The following SPAG16 variants were observed in gnomAD, a reference collection of about 807,000 sequenced individuals.
SPAG16 encodes the protein sperm-associated antigen 16 protein.
Under a neutral mutation model 80.4 loss-of-function variants are expected in SPAG16, and 86 were observed. That is an observed-to-expected ratio of 1.07 (90% CI 0.90 to 1.28). The LOEUF (loss-of-function observed/expected upper bound fraction) is 1.28, where lower values mean the gene tolerates loss of function less well. Among genes scored for constraint, SPAG16 ranks in the 50% most tolerant of loss-of-function variants. The pLI is 0.00. For missense variants in SPAG16, 870 were observed against 765.3 expected (o/e 1.14, Z -1.61); for synonymous variants, 294 against 265.9 (o/e 1.11, Z -1.03).
Position 213,861,753 on chromosome 2 carries a change from A to G in SPAG16, c.1071-732A>G, listed in dbSNP as rs570170368. On this transcript the variant is annotated intron_variant, in intron 10 of 15. Transcript: ENST00000331683. Reference sequence around the variant, plus strand: ...TTTAAAATAGTTGAGCTCCAGTATTAAAATAGCCACAGTGATCAGAGTCCA... The same window carrying G: ...TTTAAAATAGTTGAGCTCCAGTATTGAAATAGCCACAGTGATCAGAGTCCA... Among the ~76,000 whole-genome samples the G allele has an allele frequency of 2.6e-5, 4 of 152,292 alleles. No individual in the cohort carries two copies. The South Asian group carries it at 8.3e-4, about 32-fold the overall frequency.
intron 14 of SPAG16, among the ~76,000 whole-genome samples, chr2:214,122,126 T>C (rs2054250843): frequency 6.6e-6 from 1 of 151,758 alleles, no homozygotes; most frequent in African/African-American, 2.4e-5. Context: ...TTCTATAACA[T>C]AATAGTAGTG....
chr2:213,758,073 T>C (rs2068441211), intron 10 of SPAG16: 1 of 151,344 alleles, frequency 6.6e-6, no homozygotes, highest in African/African-American at 2.4e-5. Flanking sequence ...TTACTAAGTG[T>C]AAACTTAAGG....
At chr2:213,425,965 CTCAT>C in intron 9 of SPAG16, among the ~76,000 whole-genome samples, 1 of 152,282 alleles carries the variant, frequency 6.6e-6, no homozygotes, top group Admixed American at 6.5e-5. Context: ...GAAGCATTTT[CTCAT>C]TCCATATTCT....
intron 12 of SPAG16, among the ~76,000 whole-genome samples, chr2:213,959,985 TTC>T (rs1175653403): frequency 6.6e-6 from 1 of 152,158 alleles, no homozygotes; most frequent in African/African-American, 2.4e-5. Flanking sequence ...CTCTTACCCT[TTC>T]TCTCTCTCTT....
At chr2:214,317,705 A>T (rs1695786242) in intron 15 of SPAG16, among the ~76,000 whole-genome samples, 1 of 152,196 alleles carries the variant, frequency 6.6e-6, no homozygotes, top group African/African-American at 2.4e-5. Flanking sequence ...TCCTTTCCTG[A>T]TGCCACTATA....
At chr2:213,858,325 C>T (rs2075266333) in intron 10 of SPAG16, among the ~76,000 whole-genome samples, 1 of 152,130 alleles carries the variant, frequency 6.6e-6, no homozygotes, top group Non-Finnish European at 1.5e-5. Context: ...TTTGCTACAA[C>T]CATCTAGCCT....
At chr2:213,975,350 A>G (rs2045312781) in intron 12 of SPAG16, among the ~76,000 whole-genome samples, 1 of 151,614 alleles carries the variant, frequency 6.6e-6, no homozygotes, top group South Asian at 2.1e-4. Context: ...CACATTCTCA[A>G]TTTTCACTAA....
intron 15 of SPAG16, among the ~76,000 whole-genome samples, chr2:214,376,491 C>T (rs1314733004): frequency 1.3e-5 from 2 of 152,002 alleles, no homozygotes; most frequent in Non-Finnish European, 2.9e-5. Flanking sequence ...GAAACCAAAC[C>T]TATGGCAATC....
intron 12 of SPAG16, among the ~76,000 whole-genome samples, chr2:213,949,169 G>GTT (rs767648099): frequency 0.044 from 2,519 of 56,702 alleles, 204 homozygotes; most frequent in Middle Eastern, 0.082. Flanking sequence ...AATTACAACA[G>GTT]TTTTTTTTTT....
In SPAG16 at chr2:213,472,926, G is replaced by C. The variant is rs2073166494; in HGVS notation, c.943-17037G>C. ...GAGGTTTCCTTGGGGAAGAATGGGA[G>C]AAAGATTAACAGCATAAATTGTCAG... On this transcript the variant is annotated intron_variant, in intron 9 of 15. Coordinates refer to ENST00000331683, the MANE Select transcript of SPAG16 (RefSeq NM_024532.5). Among the ~76,000 whole-genome samples the C allele has an allele frequency of 2.0e-5, 3 of 152,170 alleles. No individual in the cohort carries two copies. In the South Asian group the frequency reaches 6.2e-4, roughly 32 times the overall value.
At chr2:213,750,156 C>A (rs1348783272) in intron 10 of SPAG16, among the ~76,000 whole-genome samples, 1 of 152,074 alleles carries the variant, frequency 6.6e-6, no homozygotes, top group African/African-American at 2.4e-5. Flanking sequence ...TCCAAGAAAC[C>A]TGAGTTGTTA....
chr2:214,133,220 G>C (rs189452810), intron 14 of SPAG16, among the ~76,000 whole-genome samples: 53 of 151,966 alleles, frequency 3.5e-4, no homozygotes, highest in African/African-American at 9.4e-4. Flanking sequence ...GGGCTATTTC[G>C]TGCATTATAA....
chr2:214,410,394 C>G lies in SPAG16; in HGVS notation c.*79C>G, dbSNP rs950261045. 6 of 1,374,712 alleles carry G rather than the reference C, an allele frequency of 4.4e-6. No individual in the cohort carries two copies. Among genetic ancestry groups the G allele is most frequent in the African/African-American group, 1.4e-5 (1 of 69,050 alleles). The allele number at this position is 1,374,712 out of a possible 1,614,324, so 85.2% of individuals were successfully genotyped here. ...CCTGTAGTCCCAAACCAGCAAAGAA[C>G]TGGTTAAATGTGCCAGCAGGTAACA... On this transcript the variant is annotated 3_prime_UTR_variant, in exon 16 of 16. Coordinates refer to ENST00000331683, the MANE Select transcript of SPAG16 (RefSeq NM_024532.5).
chr2:213,955,308 G>C (rs76854438), intron 12 of SPAG16, among the ~76,000 whole-genome samples: 1 of 151,932 alleles, frequency 6.6e-6, no homozygotes, highest in African/African-American at 2.4e-5. Context: ...TTATGATTTT[G>C]ACCTTTAAAT....
intron 10 of SPAG16, among the ~76,000 whole-genome samples, chr2:213,678,102 G>A (rs1574772343): frequency 6.6e-6 from 1 of 152,044 alleles, no homozygotes; most frequent in South Asian, 2.1e-4. Flanking sequence ...CAGAATCTCT[G>A]GGACACATTC....
chr2:213,581,118 G>GGGAA (rs1350564858), intron 10 of SPAG16, among the ~76,000 whole-genome samples: 15 of 152,060 alleles, frequency 9.9e-5, no homozygotes, highest in African/African-American at 3.6e-4. Flanking sequence ...TAACTCTATA[G>GGGAA]CTCTTTTTAG....
At chr2:214,053,643 G>A (rs1248267673) in intron 13 of SPAG16, among the ~76,000 whole-genome samples, 2 of 152,156 alleles carry the variant, frequency 1.3e-5, no homozygotes, top group South Asian at 2.1e-4. Flanking sequence ...TAATTTCAAC[G>A]TTGTACACAA....
At chr2:213,993,079 T>C (rs1023600360) in intron 12 of SPAG16, among the ~76,000 whole-genome samples, 1 of 152,190 alleles carries the variant, frequency 6.6e-6, no homozygotes, top group African/African-American at 2.4e-5. Context: ...CAAGCAGAGT[T>C]TGAGCTGTTT....
chr2:213,631,301 C>T (rs1167248858), intron 10 of SPAG16, among the ~76,000 whole-genome samples: 1 of 152,144 alleles, frequency 6.6e-6, no homozygotes, highest in Non-Finnish European at 1.5e-5. Context: ...ACAGTGTAAA[C>T]TCCCAGAAAA....
Sources: gnomAD v4.1 joint callset for allele counts (sites outside exome capture counted in the v4.1 genomes callset) on GRCh38, gnomAD v4.1.1 for gene constraint, MANE v1.5 for transcripts, NCBI Gene and HGNC (gene_info 2026-07-23, HGNC 2026-07-21) for gene names.